RASSF2: variants seen among roughly 807,000 people sequenced by gnomAD.
RASSF2 encodes Ras association domain family member 2, also known as ras association domain-containing protein 2.
RASSF2 carries 34 observed loss-of-function variants against 46.3 expected under a neutral mutation model. That is an observed-to-expected ratio of 0.73 (90% CI 0.56 to 0.98). The LOEUF (loss-of-function observed/expected upper bound fraction) is 0.98, where lower values mean the gene tolerates loss of function less well. Among genes scored for constraint, RASSF2 ranks in the 50% least tolerant of loss-of-function variants. RASSF2 has a pLI of 0.00. For synonymous variants in RASSF2, 158 were observed against 162.5 expected, an observed-to-expected ratio of 0.97 and a Z score of 0.21; for missense variants, 364 against 431.2, an observed-to-expected ratio of 0.84 and a Z score of 1.38.
intron 2 of RASSF2, among the ~76,000 whole-genome samples, chr20:4,808,483 A>G (rs1348299865): frequency 7.9e-6 from 1 of 126,386 alleles, no homozygotes; most frequent in Non-Finnish European, 1.7e-5. Context: ...ATTTTACACA[A>G]ATCTTTTTTT....
At chr20:4,796,071 C>A in intron 4 of RASSF2, 105 bp from the exon 5 acceptor site, 4 of 1,313,258 alleles carry the variant, frequency 3.0e-6, no homozygotes, top group Non-Finnish European at 3.0e-6. Context: ...TGGCTGGGGG[C>A]CCCCAGACTG....
At chr20:4,784,857 G>A (rs1319799477) in intron 11 of RASSF2, among the ~76,000 whole-genome samples, 5 of 152,168 alleles carry the variant, frequency 3.3e-5, no homozygotes, top group Non-Finnish European at 7.3e-5. Context: ...CAGCTACTAG[G>A]CGTGGAGGTC....
chr20:4,804,571 T>G (rs902606616), intron 2 of RASSF2, among the ~76,000 whole-genome samples: 1 of 152,120 alleles, frequency 6.6e-6, no homozygotes, highest in Non-Finnish European at 1.5e-5. Context: ...ACTCCTGACC[T>G]CAGGTGATCT....
At chr20:4,822,802 G>A (rs1928797384) in intron 1 of RASSF2, among the ~76,000 whole-genome samples, 1 of 151,914 alleles carries the variant, frequency 6.6e-6, no homozygotes, top group Non-Finnish European at 1.5e-5. Context: ...CCGCGCCGGG[G>A]ACTGGGACCT....
chr20:4,799,882 C>T (rs1263575900), intron 3 of RASSF2, among the ~76,000 whole-genome samples: 5 of 152,184 alleles, frequency 3.3e-5, no homozygotes, highest in African/African-American at 1.2e-4. Flanking sequence ...GAGGCCAAGG[C>T]GGGTGGATCA....
intron 8 of RASSF2, among the ~76,000 whole-genome samples, chr20:4,788,481 A>G (rs1353031276): frequency 6.6e-6 from 1 of 152,210 alleles, no homozygotes; most frequent in Non-Finnish European, 1.5e-5. Context: ...ACGAGGATGC[A>G]TTCTGAGAAA....
Position 4,784,045 on chromosome 20 carries a change from T to C in RASSF2, c.*228A>G, listed in dbSNP as rs1925064380. 1.7e-6 allele frequency: 1 copy of C among 573,466 alleles called. No individual in the cohort carries two copies. Among genetic ancestry groups the C allele is most frequent in the East Asian group, 2.9e-5 (1 of 34,276 alleles). 35.5% of individuals were successfully genotyped at this position (573,466 alleles called of 1,614,324 possible). ...ACACACACATTTTGGGTCCTCCTTA[T>C]AACTAAAATCAAAAGTCCTTGTGAG... On this transcript the variant is annotated 3_prime_UTR_variant, in exon 12 of 12. Transcript: ENST00000379400.
At chr20:4,807,820 T>G (rs1043710236) in intron 2 of RASSF2, among the ~76,000 whole-genome samples, 1 of 152,214 alleles carries the variant, frequency 6.6e-6, no homozygotes, top group Non-Finnish European at 1.5e-5. Flanking sequence ...TAACCCAAAG[T>G]TGAACTGAAA....
intron 2 of RASSF2, among the ~76,000 whole-genome samples, chr20:4,809,592 G>A (rs564312784): frequency 3.9e-5 from 6 of 152,294 alleles, no homozygotes; most frequent in East Asian, 1.9e-4. Context: ...TCCTGCACCC[G>A]GGTTATCATG....
At chr20:4,804,977 A>AG (rs950166511) in intron 2 of RASSF2, among the ~76,000 whole-genome samples, 1 of 151,862 alleles carries the variant, frequency 6.6e-6, no homozygotes, top group Non-Finnish European at 1.5e-5. Flanking sequence ...GGCAAAGATG[A>AG]GGGGCGAGTA....
chr20:4,811,354 AAAATCAAATC>A (rs1555792701), intron 2 of RASSF2, among the ~76,000 whole-genome samples: 1 of 149,250 alleles, frequency 6.7e-6, no homozygotes, highest in Non-Finnish European at 1.5e-5. Context: ...CCTTCTTTAA[AAAATCAAATC>A]AAATCAAATC....
intron 2 of RASSF2, among the ~76,000 whole-genome samples, chr20:4,811,296 C>T (rs111640896): frequency 0.028 from 1,948 of 68,620 alleles, 27 homozygotes; most frequent in South Asian, 0.057. Context: ...GGTTGCAGTG[C>T]GCTATGATGG....
Position 4,784,102 on chromosome 20 carries a change from G to C in RASSF2, c.*171C>G, listed in dbSNP as rs73058454. On this transcript the variant is annotated 3_prime_UTR_variant, in exon 12 of 12. Coordinates refer to ENST00000379400, the MANE Select transcript of RASSF2 (RefSeq NM_014737.3). ...AAAGGAGGGCAGGGGTCCAGGGATA[G>C]GGAGCTGTCTGCTGACTTCTACATC... The C allele has an allele frequency of 0.063, 41,572 of 657,586 alleles. 2,327 individuals carry two copies. The highest frequency in any genetic ancestry group is 0.23 in the African/African-American group (12,566 of 55,198). 40.7% of individuals were successfully genotyped at this position (657,586 alleles called of 1,614,324 possible). A position where few individuals can be genotyped will look rare whatever the true frequency, so the allele number is the denominator to read the frequency against.
chr20:4,819,340 G>T (rs908127454), intron 2 of RASSF2, among the ~76,000 whole-genome samples: 3 of 152,156 alleles, frequency 2.0e-5, no homozygotes, highest in African/African-American at 7.2e-5. Context: ...AGTAGATCGT[G>T]AAACAAGAAT....
chr20:4,814,185 A>G (rs1928086138), intron 2 of RASSF2, among the ~76,000 whole-genome samples: 1 of 152,172 alleles, frequency 6.6e-6, no homozygotes, highest in Non-Finnish European at 1.5e-5. Flanking sequence ...GCCACCCTGC[A>G]GGGAGGGCCT....
At chr20:4,806,220 T>C (rs7271717) in intron 2 of RASSF2, among the ~76,000 whole-genome samples, 37,056 of 152,054 alleles carry the variant, frequency 0.24, 4,828 homozygotes, top group Middle Eastern at 0.29. Context: ...AGCCAGGAGC[T>C]GGTGGTCAGA....
At position 4,813,430 on chromosome 20, in the gene RASSF2, G is replaced by A. The variant is rs144482640; in HGVS notation, c.-33+8899C>T. On this transcript the variant is annotated intron_variant, in intron 2 of 11. Coordinates refer to ENST00000379400, the MANE Select transcript of RASSF2 (RefSeq NM_014737.3). ...GCGACTGTGGAAGATGGGAGGAAGC[G>A]GTCCTGGGACTCCTGCCGGAAAGGC... 2.6e-5 allele frequency among the ~76,000 whole-genome samples: 4 copies of A among 152,332 alleles called. No individual in the cohort carries two copies. In the East Asian group the frequency reaches 5.8e-4, roughly 22 times the overall value.
intron 1 of RASSF2, among the ~76,000 whole-genome samples, chr20:4,822,962 C>T (rs2326552): frequency 0.52 from 79,759 of 152,016 alleles, 22,262 homozygotes; most frequent in East Asian, 0.83. Context: ...GAGCGCCTTC[C>T]CATCGCGGGC....
At chr20:4,784,439 G>GT (rs767008690) in intron 11 of RASSF2, 97 bp from the exon 12 acceptor site, 29 of 1,152,602 alleles carry the variant, frequency 2.5e-5, no homozygotes, top group Middle Eastern at 2.1e-4. Context: ...GTCACACCAG[G>GT]TAACAGTGCA....
Sources: allele counts gnomAD v4.1 joint callset (sites outside exome capture counted in the v4.1 genomes callset), GRCh38; gene constraint gnomAD v4.1.1; transcripts MANE v1.5; gene names NCBI Gene and HGNC (gene_info 2026-07-23, HGNC 2026-07-21).